Variants in COL22A1 observed in about 807,000 individuals in gnomAD.
COL22A1 encodes the protein collagen alpha-1(XXII) chain.
COL22A1 carries 221 observed loss-of-function variants against 248.9 expected under a neutral mutation model. The observed-to-expected ratio is 0.89, with a 90% CI of 0.80 to 0.99. COL22A1 has a LOEUF of 0.99. COL22A1 is among the 50% of genes least tolerant of loss of function. The pLI, the probability that COL22A1 is intolerant of heterozygous loss-of-function variation, is 0.00. For missense variants in COL22A1, 2,240 were observed against 2,179.0 expected (o/e 1.03, Z -0.56); for synonymous variants, 891 against 793.4 (o/e 1.12, Z -2.07).
rs1554737802 is a variant in COL22A1, at chr8:138,663,012, T to TCTCACACACACACACACACACACA, written c.3186+692_3186+693insTGTGTGTGTGTGTGTGTGTGTGAG. Among the ~76,000 whole-genome samples, 439 of 140,864 alleles carry TCTCACACACACACACACACACACA rather than the reference T, an allele frequency of 3.1e-3. 3 individuals are homozygous for TCTCACACACACACACACACACACA. Among genetic ancestry groups the TCTCACACACACACACACACACACA allele is most frequent in the African/African-American group, 9.8e-3 (379 of 38,766 alleles). 92.4% of individuals were successfully genotyped at this position (140,864 alleles called of 152,430 possible). On this transcript the variant is annotated intron_variant, in intron 42 of 64. Transcript: ENST00000303045. ...GCCTGGTTGACAGAGCAGGACTCTG[T>TCTCACACACACACACACACACACA]CACTCACACACACACACACACACAA...
At chr8:138,720,669 A>T in intron 27 of COL22A1, 70 bp downstream of exon 27, 1 of 1,266,308 alleles carries the variant, frequency 7.9e-7, no homozygotes, top group East Asian at 2.3e-5. Flanking sequence ...GTAAGTCGAG[A>T]TTCACACACC....
intron 3 of COL22A1, among the ~76,000 whole-genome samples, chr8:138,863,105 A>T (rs1245416670): frequency 6.6e-6 from 1 of 152,212 alleles, no homozygotes; most frequent in East Asian, 1.9e-4. Flanking sequence ...TTTAAAAGAT[A>T]AAATAAAGTC....
chr8:138,722,694 C>T (rs115742582), intron 25 of COL22A1, among the ~76,000 whole-genome samples: 2,667 of 152,202 alleles, frequency 0.018, 66 homozygotes, highest in African/African-American at 0.059. Flanking sequence ...GAGACGAAGG[C>T]TCTGCAGGCT....
intron 54 of COL22A1, 85 bp downstream of exon 54, chr8:138,616,829 G>T: frequency 6.6e-7 from 1 of 1,507,174 alleles, no homozygotes. Flanking sequence ...GCACTGCCAT[G>T]GCCTGCAGGC....
chr8:138,663,012 T>TCACACACACA (rs1238032353), intron 42 of COL22A1, among the ~76,000 whole-genome samples: 178 of 140,872 alleles, frequency 1.3e-3, no homozygotes, highest in Non-Finnish European at 1.6e-3. Flanking sequence ...CAGGACTCTG[T>TCACACACACA]CACTCACACA....
intron 43 of COL22A1, among the ~76,000 whole-genome samples, chr8:138,661,017 C>CAG (rs1285160742): frequency 8.9e-6 from 1 of 111,862 alleles, no homozygotes; most frequent in Non-Finnish European, 1.9e-5. Context: ...GACACACACA[C>CAG]GCACATACAC....
rs1817754056 is a variant in COL22A1, at chr8:138,598,760, G to A, written c.4324C>T (p.Pro1442Ser). ...GLPGENGPVG[P>S]PGPPGQPGFP... ...CCCGGCTGGCCTGGAGGCCCTGGGG[G>A]TCCAACTGGTCCATTCTCCCCAGGT... The change falls in exon 61 of 65, where the codon CCC becomes TCC. Residue 1442 changes from proline (P) to serine (S), a missense_variant. Pro to Ser is a moderately conservative substitution (Grantham distance 74). Transcript: ENST00000303045. 13 of 1,613,992 alleles carry A rather than the reference G, an allele frequency of 8.1e-6. No individual in the cohort carries two copies. The highest frequency in any genetic ancestry group is 1.1e-5 in the Non-Finnish European group (13 of 1,179,970).
chr8:138,729,611 A>G (rs1198199948), intron 23 of COL22A1, among the ~76,000 whole-genome samples: 1 of 152,230 alleles, frequency 6.6e-6, no homozygotes, highest in Admixed American at 6.5e-5. Context: ...AGGAGGGATC[A>G]CAAAAAGGGT....
intron 54 of COL22A1, 22 bp from the exon 55 acceptor site, chr8:138,616,076 A>G (rs371848877): frequency 6.2e-4 from 988 of 1,602,658 alleles, no homozygotes; most frequent in Non-Finnish European, 7.8e-4. Context: ...AAAGCCTGCT[A>G]TTAGGGAAGG....
intron 22 of COL22A1, among the ~76,000 whole-genome samples, chr8:138,741,776 G>C (rs62530661): frequency 7.2e-4 from 109 of 152,344 alleles, no homozygotes; most frequent in Non-Finnish European, 1.3e-3. Context: ...CGCCCACAAA[G>C]TACTTAGTAA....
Position 138,710,184 on chromosome 8 carries a change from C to T in COL22A1, c.2517+5498G>A, listed in dbSNP as rs566021227. On this transcript the variant is annotated intron_variant, in intron 30 of 64. Coordinates refer to ENST00000303045, the MANE Select transcript of COL22A1 (RefSeq NM_152888.3). ...GCATGGCACAGAGATTGAGCAAGACCGTAAGGAGTACGGTGTTATTACATT... is the reference window on the plus strand; with the variant it reads ...GCATGGCACAGAGATTGAGCAAGACTGTAAGGAGTACGGTGTTATTACATT... 6.6e-5 allele frequency among the ~76,000 whole-genome samples: 10 copies of T among 152,174 alleles called. No homozygotes were observed. The South Asian group carries it at 1.5e-3, about 22-fold the overall frequency.
At chr8:138,901,029 C>T (rs1285321645) in intron 1 of COL22A1, among the ~76,000 whole-genome samples, 2 of 152,126 alleles carry the variant, frequency 1.3e-5, no homozygotes, top group Non-Finnish European at 2.9e-5. Flanking sequence ...TCTTTGGCTA[C>T]TCATCTGTCC....
chr8:138,786,368 T>C (rs1815517038), intron 12 of COL22A1, among the ~76,000 whole-genome samples: 1 of 152,140 alleles, frequency 6.6e-6, no homozygotes, highest in Admixed American at 6.5e-5. Context: ...GCACTGCAAA[T>C]ACATAGATTT....
At chr8:138,769,184 C>A (rs1227093096) in intron 16 of COL22A1, among the ~76,000 whole-genome samples, 1 of 152,102 alleles carries the variant, frequency 6.6e-6, no homozygotes, top group Non-Finnish European at 1.5e-5. Context: ...TTGTCTTCTA[C>A]CCCCTGCAGG....
At chr8:138,850,623 T>C (rs781351104) in intron 3 of COL22A1, among the ~76,000 whole-genome samples, 26 of 152,292 alleles carry the variant, frequency 1.7e-4, no homozygotes, top group Middle Eastern at 3.4e-3. Flanking sequence ...CAGGGCCATC[T>C]GTCCTCTCCC....
At position 138,703,301 on chromosome 8, in the gene COL22A1, C is replaced by A. The variant is rs758890824; in HGVS notation, c.2559+5G>T. ...GGAGAAAGAATTAGAAGCGGAGTAA[C>A]TTACAGTTCCAGGTAACCCGGGAGG... is the stretch of plus-strand genomic sequence containing the variant. On this transcript the variant is annotated splice_donor_5th_base_variant and intron_variant, in intron 31 of 64. Transcript: ENST00000303045. 5 of 1,612,720 alleles carry A rather than the reference C, an allele frequency of 3.1e-6. No homozygotes were observed. The African/African-American group carries it at 6.7e-5, about 22-fold the overall frequency.
intron 51 of COL22A1, 82 bp from the exon 52 acceptor site, chr8:138,623,867 C>T (rs2131959807): frequency 8.0e-7 from 1 of 1,250,126 alleles, no homozygotes; most frequent in Non-Finnish European, 1.1e-6. Context: ...AGCATGTCTT[C>T]CTGCCCAGCT....
intron 3 of COL22A1, among the ~76,000 whole-genome samples, chr8:138,860,401 G>C (rs1822364050): frequency 6.6e-6 from 1 of 152,186 alleles, no homozygotes; most frequent in African/African-American, 2.4e-5. Flanking sequence ...GAGCGAGCCA[G>C]CACCTCCTCA....
chr8:138,811,441 G>C (rs1180997587), intron 9 of COL22A1, among the ~76,000 whole-genome samples: 7 of 151,906 alleles, frequency 4.6e-5, no homozygotes, highest in Non-Finnish European at 5.9e-5. Context: ...AGGAATGAGG[G>C]TGTGTTCTTG....
Sources: gnomAD v4.1 joint callset for allele counts (sites outside exome capture counted in the v4.1 genomes callset) on GRCh38, gnomAD v4.1.1 for gene constraint, MANE v1.5 for transcripts, NCBI Gene and HGNC (gene_info 2026-07-23, HGNC 2026-07-21) for gene names.